The following PAGR1 variants were observed in gnomAD, a reference collection of about 807,000 sequenced individuals.
PAGR1 encodes PAXIP1-associated glutamate-rich protein 1.
A neutral mutation model predicts 22.4 loss-of-function variants in PAGR1; 20 were observed. The ratio of observed to expected loss-of-function variants is 0.89; its 90% CI spans 0.63 to 1.30. The LOEUF (loss-of-function observed/expected upper bound fraction) is 1.30, where lower values mean the gene tolerates loss of function less well. PAGR1 is among the 50% of genes most tolerant of loss of function. PAGR1 has a pLI of 0.00. For synonymous variants in PAGR1, 161 were observed against 148.3 expected (o/e 1.09, Z -0.62); for missense variants, 338 against 343.6 (o/e 0.98, Z 0.13).
chr16:29,819,098 C>T (rs996622254), intron 2 of PAGR1, among the ~76,000 whole-genome samples: 11 of 152,052 alleles, frequency 7.2e-5, no homozygotes, highest in East Asian at 1.9e-4. Flanking sequence ...CGGGTTCAAG[C>T]GATTCTTCTG....
rs915816632 is a variant in PAGR1, at chr16:29,816,264, C to G, written c.-262C>G. On this transcript the variant is annotated 5_prime_UTR_variant, in exon 1 of 3. Transcript: ENST00000320330. ...TGGAAGCGAGAAGAGTGGCCCGTCC[C>G]TCTCCTCCCCCTTTCCCTCTTTCGG... 2 of 410,912 alleles carry G rather than the reference C, an allele frequency of 4.9e-6. No individual in the cohort carries two copies. Among genetic ancestry groups the G allele is most frequent in the Non-Finnish European group, 8.6e-6 (2 of 232,844 alleles). The allele number at this position is 410,912 out of a possible 1,614,324, so 25.5% of individuals were successfully genotyped here.
rs3178910 is a variant in PAGR1 at position 29,821,992 on chromosome 16, C to A, written c.*2238C>A. Among the ~76,000 whole-genome samples the A allele has an allele frequency of 2.6e-5, 4 of 151,836 alleles. No individual in the cohort carries two copies. Among genetic ancestry groups the A allele is most frequent in the African/African-American group, 7.3e-5 (3 of 41,286 alleles). On this transcript the variant is annotated 3_prime_UTR_variant, in exon 3 of 3. Transcript: ENST00000320330. ...TGTAATCCCAGTACTTTGGGAGGCC[C>A]GAATGGGAGGATGGCTTGAGGCCAG...
At position 29,821,638 on chromosome 16, in the gene PAGR1, C is replaced by T. The variant is rs1479906676; in HGVS notation, c.*1884C>T. On this transcript the variant is annotated 3_prime_UTR_variant, in exon 3 of 3. Coordinates refer to ENST00000320330, the MANE Select transcript of PAGR1 (RefSeq NM_024516.4). The stretch of plus-strand genomic sequence containing the variant: ...ATCTTTGTGTTTCTGCCTGAGAAGC[C>T]ACTGCCTCCTAGTTTGTGGTCTCTA... 1.3e-5 allele frequency among the ~76,000 whole-genome samples: 2 copies of T among 152,196 alleles called. No individual in the cohort carries two copies. The highest frequency in any genetic ancestry group is 6.5e-5 in the Admixed American group (1 of 15,280).
In PAGR1 at chr16:29,816,656, G is replaced by GT. The variant is rs1567382910; in HGVS notation, c.132dup (p.Lys45Ter). On this transcript the variant is annotated frameshift_variant, in exon 1 of 3. Transcript: ENST00000320330. LOFTEE classifies it high-confidence loss of function. ...ACCGGAGGCCCCTCTGCCTCGGCCG[G>GT]TAAGGCCGAGGACGAGGGGGAAGGA... 6.4e-7 allele frequency: 1 copy of GT among 1,567,726 alleles called. No individual in the cohort carries two copies. Among genetic ancestry groups the GT allele is most frequent in the South Asian group, 1.1e-5 (1 of 87,414 alleles).
chr16:29,820,017 AGAGTGTGT>A lies in PAGR1; in HGVS notation c.*273_*280del, dbSNP rs1900331002. On this transcript the variant is annotated 3_prime_UTR_variant, in exon 3 of 3. Transcript: ENST00000320330. Reference sequence around the variant, plus strand: ...TTTTCTATTGAACATCTATATAGAGAGAGTGTGTGAGTGTGTGTTTTCTATTGAACACC... The same window carrying A: ...TTTTCTATTGAACATCTATATAGAGAGAGTGTGTGTTTTCTATTGAACACC... 1 of 425,754 alleles carries A rather than the reference AGAGTGTGT, an allele frequency of 2.3e-6. No homozygotes were observed. The highest frequency in any genetic ancestry group is 4.2e-6 in the Non-Finnish European group (1 of 238,216). The allele number at this position is 425,754 out of a possible 1,614,324, so 26.4% of individuals were successfully genotyped here.
rs1900318993 is a variant in PAGR1 at position 29,819,578 on chromosome 16, C to T, written c.589C>T (p.Arg197Trp). Reference protein sequence around the residue: ...TPGSSARSQKREARLDKVLSD... With the variant: ...TPGSSARSQKWEARLDKVLSD... ...AGGAAGCTCAGCCCGGAGCCAGAAA[C>T]GGGAGGCCCGCCTGGACAAGGTGCT... Residue 197 changes from arginine (R) to tryptophan (W), a missense_variant, in exon 3 of 3, where the codon CGG becomes TGG. Physicochemically the swap from Arg to Trp is moderately radical, Grantham distance 101. This residue lies in a region of PAGR1 where 51 missense variants were observed against 83.1 expected (regional missense o/e 0.61). Coordinates refer to ENST00000320330, the MANE Select transcript of PAGR1 (RefSeq NM_024516.4). 1.2e-6 allele frequency: 2 copies of T among 1,614,050 alleles called. No individual in the cohort carries two copies. The highest frequency in any genetic ancestry group is 1.1e-5 in the South Asian group (1 of 91,072).
Position 29,816,837 on chromosome 16 carries a change from C to G in PAGR1, c.312C>G (p.Pro104=), listed in dbSNP as rs1179367604. 2 of 1,561,290 alleles carry G rather than the reference C, an allele frequency of 1.3e-6. No individual in the cohort carries two copies. Among genetic ancestry groups the G allele is most frequent in the Non-Finnish European group, 1.7e-6 (2 of 1,153,730 alleles). The change falls in exon 1 of 3, where the codon CCC becomes CCG. Residue 104 remains proline, a synonymous_variant. Coordinates refer to ENST00000320330, the MANE Select transcript of PAGR1 (RefSeq NM_024516.4). ...EEVELPADGQ[P]WMPPPSEIQR... Reference sequence around the variant, plus strand: ...TGGAGCTGCCTGCGGATGGGCAGCCCTGGATGCCCCCGCCCTCCGAAATCC... The same window carrying G: ...TGGAGCTGCCTGCGGATGGGCAGCCGTGGATGCCCCCGCCCTCCGAAATCC...
Position 29,816,765 on chromosome 16 carries a change from C to A in PAGR1, c.240C>A (p.Ala80=). The A allele has an allele frequency of 6.3e-7, 1 of 1,588,520 alleles. No individual in the cohort carries two copies. The highest frequency in any genetic ancestry group is 8.6e-7 in the Non-Finnish European group (1 of 1,168,098). ...EVPSAGGEEP[A]EEDSEDWCVP... ...CCAGCGCTGGGGGAGAAGAGCCTGC[C>A]GAGGAGGACTCCGAGGACTGGTGCG... The change falls in exon 1 of 3, where the codon GCC becomes GCA. Residue 80 remains alanine (A), a synonymous_variant. Transcript: ENST00000320330.
rs112242011 is a variant in PAGR1 at position 29,816,743 on chromosome 16, G to C, written c.218G>C (p.Ser73Thr). 6.3e-7 allele frequency: 1 copy of C among 1,599,268 alleles called. No individual in the cohort carries two copies. Among genetic ancestry groups the C allele is most frequent in the African/African-American group, 1.3e-5 (1 of 74,690 alleles). The stretch of plus-strand genomic sequence containing the variant: ...GAGGAGGCGCAGGGAGAAGTCCCCA[G>C]CGCTGGGGGAGAAGAGCCTGCCGAG... ...GGEEAQGEVP[S>T]AGGEEPAEED... Residue 73 changes from serine to threonine, a missense_variant, in exon 1 of 3, where the codon AGC (serine) becomes ACC (threonine). Coordinates refer to ENST00000320330, the MANE Select transcript of PAGR1 (RefSeq NM_024516.4).
chr16:29,816,349 G>T lies in PAGR1; in HGVS notation c.-177G>T, dbSNP rs1900246061. ...TACCGAACCTCGATCTCCGGGGCGG[G>T]GTCCTTGGTGGGGACTGAGCGCCCC... is the stretch of plus-strand genomic sequence containing the variant. On this transcript the variant is annotated 5_prime_UTR_variant, in exon 1 of 3. Transcript: ENST00000320330. The T allele has an allele frequency of 5.7e-6, 3 of 527,752 alleles. No individual in the cohort carries two copies. The highest frequency in any genetic ancestry group is 7.8e-5 in the Admixed American group (2 of 25,566). The allele number at this position is 527,752 out of a possible 1,614,324, so 32.7% of individuals were successfully genotyped here.
chr16:29,817,404 G>A, intron 2 of PAGR1, 112 bp downstream of exon 2: 1 of 927,590 alleles, frequency 1.1e-6, no homozygotes, highest in Middle Eastern at 2.1e-4. Context: ...ACAACTTACA[G>A]CTGCAGGAGA....
At chr16:29,818,444 C>A (rs912299675) in intron 2 of PAGR1, 2 of 152,232 alleles carry the variant, frequency 1.3e-5, no homozygotes, top group African/African-American at 4.8e-5. Flanking sequence ...TCTCCACTTT[C>A]AATACCACAT....
In PAGR1 at chr16:29,817,021, C is replaced by A; in HGVS notation, c.482+14C>A. On this transcript the variant is annotated intron_variant, in intron 1 of 2. Coordinates refer to ENST00000320330, the MANE Select transcript of PAGR1 (RefSeq NM_024516.4). ...GGAAGAGGAAAAGTAAAGGCACACC[C>A]TTACACCTTGTCCCGGGGCTGCTCC... The A allele has an allele frequency of 1.3e-6, 2 of 1,558,170 alleles. No individual in the cohort carries two copies. The highest frequency in any genetic ancestry group is 1.2e-5 in the South Asian group (1 of 85,644).
chr16:29,819,627 A>G lies in PAGR1; in HGVS notation c.638A>G (p.Lys213Arg). The G allele has an allele frequency of 1.2e-6, 2 of 1,614,120 alleles. No homozygotes were observed. Among genetic ancestry groups the G allele is most frequent in the Non-Finnish European group, 1.7e-6 (2 of 1,180,028 alleles). Residue 213 changes from lysine to arginine, a missense_variant, in exon 3 of 3, where the codon AAG (lysine) becomes AGG (arginine). Transcript: ENST00000320330. Reference protein sequence around the residue: ...KVLSDMKRHKKLEEQILRTGR... With the variant: ...KVLSDMKRHKRLEEQILRTGR... ...CTGTCGGACATGAAGAGACACAAGA[A>G]GCTGGAGGAGCAGATCCTTCGTACC...
In PAGR1 at chr16:29,817,211, C is replaced by T; in HGVS notation, c.484C>T (p.Pro162Ser). The stretch of plus-strand genomic sequence containing the variant: ...CTTAACTATGTTCACCTGTCCCAGA[C>T]CACACATGCCCACGGAATTTGATTT... ...PEAKEEEEEKPHMPTEFDFDD... is the reference protein window; with the variant it reads ...PEAKEEEEEKSHMPTEFDFDD... Residue 162 changes from proline (P) to serine (S), a missense_variant and splice_region_variant, in exon 2 of 3, where the codon CCA (proline) becomes TCA (serine). This residue lies in a region of PAGR1 where 235 missense variants were observed against 216.0 expected (regional missense o/e 1.09). Transcript: ENST00000320330. The T allele has an allele frequency of 1.2e-6, 2 of 1,614,086 alleles. No homozygotes were observed. Among genetic ancestry groups the T allele is most frequent in the East Asian group, 2.2e-5 (1 of 44,860 alleles).
chr16:29,816,370 G>T lies in PAGR1; in HGVS notation c.-156G>T, dbSNP rs1015485721. The T allele has an allele frequency of 2.8e-6, 2 of 715,114 alleles. No homozygotes were observed. Among genetic ancestry groups the T allele is most frequent in the African/African-American group, 3.6e-5 (2 of 54,798 alleles). 44.3% of individuals were successfully genotyped at this position (715,114 alleles called of 1,614,324 possible). A position where few individuals can be genotyped will look rare whatever the true frequency, so the allele number is the denominator to read the frequency against. ...GCGGGGTCCTTGGTGGGGACTGAGCGCCCCCTCCCGGGGACGGGCGGTCTG... is the reference window on the plus strand; with the variant it reads ...GCGGGGTCCTTGGTGGGGACTGAGCTCCCCCTCCCGGGGACGGGCGGTCTG... On this transcript the variant is annotated 5_prime_UTR_variant, in exon 1 of 3. Coordinates refer to ENST00000320330, the MANE Select transcript of PAGR1 (RefSeq NM_024516.4).
Position 29,820,216 on chromosome 16 carries a change from G to T in PAGR1, c.*462G>T. 6.5e-6 allele frequency: 1 copy of T among 154,824 alleles called. No individual in the cohort carries two copies. 9.6% of individuals were successfully genotyped at this position (154,824 alleles called of 1,614,324 possible). On this transcript the variant is annotated 3_prime_UTR_variant, in exon 3 of 3. Transcript: ENST00000320330. ...GGAAAATGAAAGCCAGATGGGTAGA[G>T]GTGCCCTCAGTTAGCACCTGTCCCA... is the stretch of plus-strand genomic sequence containing the variant.
rs902547978 is a variant in PAGR1 at position 29,820,857 on chromosome 16, A to G, written c.*1103A>G. 2.0e-5 allele frequency: 3 copies of G among 152,098 alleles called. No homozygotes were observed. Among genetic ancestry groups the G allele is most frequent in the African/African-American group, 7.3e-5 (3 of 41,324 alleles). The allele number at this position is 152,098 out of a possible 1,614,324, so 9.4% of individuals were successfully genotyped here. A position where few individuals can be genotyped will look rare whatever the true frequency, so the allele number is the denominator to read the frequency against. ...CATTCAGACCCCATCTTAGCCCTAG[A>G]TCGGTGCTTGCTCTACTCACCTGCA... is the stretch of plus-strand genomic sequence containing the variant. On this transcript the variant is annotated 3_prime_UTR_variant, in exon 3 of 3. Transcript: ENST00000320330.
rs982072203 is a variant in PAGR1 at position 29,819,434 on chromosome 16, C to T, written c.566-121C>T. The T allele has an allele frequency of 2.1e-5, 21 of 1,023,166 alleles. 1 individual carries two copies. The African/African-American group carries it at 2.9e-4, about 14-fold the overall frequency. 63.4% of individuals were successfully genotyped at this position (1,023,166 alleles called of 1,614,324 possible). A position where few individuals can be genotyped will look rare whatever the true frequency, so the allele number is the denominator to read the frequency against. On this transcript the variant is annotated intron_variant, in intron 2 of 2. Coordinates refer to ENST00000320330, the MANE Select transcript of PAGR1 (RefSeq NM_024516.4). ...GTCCAACCCTGAACCTCAGGTCCTC[C>T]AAGACAGAGGCCTGGGGACCTGCAT...
Sources: allele counts gnomAD v4.1 joint callset (sites outside exome capture counted in the v4.1 genomes callset), GRCh38; gene constraint gnomAD v4.1.1; regional missense constraint gnomAD v4.1.1; transcripts MANE v1.5; gene names NCBI Gene and HGNC (gene_info 2026-07-23, HGNC 2026-07-21).